The following TLE2 variants were observed in gnomAD, a reference collection of about 807,000 sequenced individuals.
The protein encoded by TLE2 is TLE family member 2, transcriptional corepressor.
In TLE2, 74 loss-of-function variants were observed where a neutral mutation model predicts 97.2. The ratio of observed to expected loss-of-function variants is 0.76; its 90% CI spans 0.63 to 0.92. The LOEUF (loss-of-function observed/expected upper bound fraction) is 0.92. Among genes scored for constraint, TLE2 ranks in the 40% least tolerant of loss-of-function variants. TLE2 has a pLI of 0.00. For synonymous variants in TLE2, 499 were observed against 432.1 expected, an observed-to-expected ratio of 1.15 and a Z score of -1.92; for missense variants, 1,038 against 1,008.7, an observed-to-expected ratio of 1.03 and a Z score of -0.39.
At chr19:3,027,705 G>C in intron 4 of TLE2, 124 bp downstream of exon 4, 1 of 951,312 alleles carries the variant, frequency 1.1e-6, no homozygotes, top group South Asian at 1.6e-5. Flanking sequence ...CCTCTGCGGA[G>C]ATTTCAGGAT....
chr19:3,044,580 C>A (rs897153787), intron 1 of TLE2, among the ~76,000 whole-genome samples: 2 of 152,152 alleles, frequency 1.3e-5, no homozygotes, highest in African/African-American at 2.4e-5. Flanking sequence ...CCACCACGCC[C>A]GGCTAATTTT....
Position 3,006,647 on chromosome 19 carries a change from C to T in TLE2, c.1273G>A (p.Ala425Thr), listed in dbSNP as rs2089485748. The change falls in exon 15 of 20, where the codon GCG becomes ACG. Residue 425 changes from alanine (A) to threonine (T), a missense_variant. By Grantham distance (58) the Ala-to-Thr change is moderately conservative. Coordinates refer to ENST00000262953, the MANE Select transcript of TLE2 (RefSeq NM_003260.5). ...GGAACCGGCTGCATCTGCCCGTCCG[C>T]AGACACGTGGAAGGAGTAGGCCCTG... Reference protein sequence around the residue: ...GKPAYSFHVSADGQMQPVPFP... With the variant: ...GKPAYSFHVSTDGQMQPVPFP... 3 of 1,606,702 alleles carry T rather than the reference C, an allele frequency of 1.9e-6. No individual in the cohort carries two copies. The Admixed American group carries it at 5.0e-5, about 27-fold the overall frequency.
intron 7 of TLE2, among the ~76,000 whole-genome samples, chr19:3,018,542 C>T (rs1361621460): frequency 6.6e-6 from 1 of 152,110 alleles, no homozygotes; most frequent in Non-Finnish European, 1.5e-5. Flanking sequence ...ATCTGCCCGC[C>T]TCGGTCTCCC....
chr19:3,019,189 C>A lies in TLE2; in HGVS notation c.550+94G>T. On this transcript the variant is annotated intron_variant, in intron 7 of 19. Transcript: ENST00000262953. The surrounding 1 kb of genome is among the most constrained non-coding windows in gnomAD (Gnocchi z 5.1). Reference sequence around the variant, plus strand: ...TTGGGATTATAGGCATGAGCCACTTCATCCCCTCACGCTGATGTTTGCTAC... The same window carrying A: ...TTGGGATTATAGGCATGAGCCACTTAATCCCCTCACGCTGATGTTTGCTAC... The A allele has an allele frequency of 6.8e-7, 1 of 1,478,468 alleles. No individual in the cohort carries two copies. The highest frequency in any genetic ancestry group is 9.0e-7 in the Non-Finnish European group (1 of 1,106,250). The allele number at this position is 1,478,468 out of a possible 1,614,324, so 91.6% of individuals were successfully genotyped here.
chr19:3,005,481 G>A lies in TLE2; in HGVS notation c.1852C>T (p.Leu618=). ...GLDNTVRCWD[L]REGRQLQQHD... is the part of the protein sequence containing the mutation. Reference sequence around the variant, plus strand: ...TGCTGCAGCTGGCGGCCCTCCCGCAGGTCCCAGCAGCGCACCGTGTTGTCC... The same window carrying A: ...TGCTGCAGCTGGCGGCCCTCCCGCAAGTCCCAGCAGCGCACCGTGTTGTCC... The change falls in exon 17 of 20, where the codon CTG becomes TTG. Residue 618 remains leucine, a synonymous_variant. Coordinates refer to ENST00000262953, the MANE Select transcript of TLE2 (RefSeq NM_003260.5). The A allele has an allele frequency of 6.2e-7, 1 of 1,613,852 alleles. No individual in the cohort carries two copies. Among genetic ancestry groups the A allele is most frequent in the East Asian group, 2.2e-5 (1 of 44,888 alleles).
chr19:3,014,468 G>A lies in TLE2; in HGVS notation c.723+102C>T, dbSNP rs147140145. On this transcript the variant is annotated intron_variant, in intron 10 of 19. Coordinates refer to ENST00000262953, the MANE Select transcript of TLE2 (RefSeq NM_003260.5). ...CCCCATCCCAGCTGTCCCACAGAGCGGGGAACCAGGATCCCCACTACCTCT... is the reference window on the plus strand; with the variant it reads ...CCCCATCCCAGCTGTCCCACAGAGCAGGGAACCAGGATCCCCACTACCTCT... 3.9e-4 allele frequency: 447 copies of A among 1,153,492 alleles called. 1 individual carries two copies. In the African/African-American group the frequency reaches 4.7e-3, roughly 12 times the overall value. 71.5% of individuals were successfully genotyped at this position (1,153,492 alleles called of 1,614,324 possible).
chr19:3,044,109 G>T (rs1002961479), intron 1 of TLE2, among the ~76,000 whole-genome samples: 2 of 151,638 alleles, frequency 1.3e-5, no homozygotes, highest in Middle Eastern at 6.8e-3. Flanking sequence ...GGAGACAGAG[G>T]TTGCAGTGGG....
At chr19:3,039,223 TC>T (rs201523299) in intron 1 of TLE2, among the ~76,000 whole-genome samples, 147 of 42,480 alleles carry the variant, frequency 3.5e-3, no homozygotes, top group African/African-American at 0.014. Flanking sequence ...CTTTCCCCAC[TC>T]CAAAAAAAAA....
At chr19:3,036,552 CG>C (rs1568254777) in intron 1 of TLE2, among the ~76,000 whole-genome samples, 1 of 152,260 alleles carries the variant, frequency 6.6e-6, no homozygotes, top group Non-Finnish European at 1.5e-5. Context: ...TGTCCCCTCC[CG>C]CTGGCCCCGG....
chr19:3,046,092 G>A (rs186464854), upstream of TLE2, among the ~76,000 whole-genome samples: 124 of 152,280 alleles, frequency 8.1e-4, 1 homozygote, highest in Non-Finnish European at 1.7e-3. Context: ...TGCCCCTAGG[G>A]GGGCAAAGAG....
rs929750861 is a variant in TLE2, at chr19:3,010,117, A to C, written c.1013-415T>G. On this transcript the variant is annotated intron_variant, in intron 12 of 19. Transcript: ENST00000262953. ...AGTGGCTCACGCCTGTAATCCCAGCACTTTGGGAGGCCGAGGTGGGCGGAT... is the reference window on the plus strand; with the variant it reads ...AGTGGCTCACGCCTGTAATCCCAGCCCTTTGGGAGGCCGAGGTGGGCGGAT... Among the ~76,000 whole-genome samples the C allele has an allele frequency of 2.0e-5, 3 of 151,354 alleles. No individual in the cohort carries two copies. The East Asian group carries it at 5.9e-4, about 30-fold the overall frequency.
At chr19:3,013,602 GGTAGC>G in intron 11 of TLE2, 62 bp downstream of exon 11, 1 of 1,292,248 alleles carries the variant, frequency 7.7e-7, no homozygotes, top group Non-Finnish European at 9.9e-7. Flanking sequence ...TGCATCATGG[GGTAGC>G]GTCTGCTTCG....
At chr19:2,998,073 C>T (rs1021049567) in intron 19 of TLE2, 118 bp from the exon 20 acceptor site, 35 of 670,594 alleles carry the variant, frequency 5.2e-5, no homozygotes, top group African/African-American at 1.6e-4. Flanking sequence ...TACAGAGTGA[C>T]GTGTTTCTTT....
At position 3,006,636 on chromosome 19, in the gene TLE2, C is replaced by G. The variant is rs1176791522; in HGVS notation, c.1284G>C (p.Gln428His). 6.2e-7 allele frequency: 1 copy of G among 1,609,414 alleles called. No homozygotes were observed. Among genetic ancestry groups the G allele is most frequent in the Non-Finnish European group, 8.5e-7 (1 of 1,177,712 alleles). ...CCGAGGGGAAGGGAACCGGCTGCAT[C>G]TGCCCGTCCGCAGACACGTGGAAGG... The part of the protein sequence containing the change: ...AYSFHVSADG[Q>H]MQPVPFPSDA... Residue 428 changes from glutamine (Q) to histidine (H), a missense_variant, in exon 15 of 20, where the codon CAG (glutamine) becomes CAC (histidine). Physicochemically the swap from Gln to His is conservative, Grantham distance 24. Coordinates refer to ENST00000262953, the MANE Select transcript of TLE2 (RefSeq NM_003260.5).
intron 1 of TLE2, among the ~76,000 whole-genome samples, chr19:3,040,019 G>A (rs1276477285): frequency 1.3e-5 from 2 of 152,176 alleles, no homozygotes; most frequent in South Asian, 4.1e-4. Flanking sequence ...GAGTGTGTGC[G>A]GCCCAGCGGG....
chr19:3,029,480 G>A, upstream of TLE2: 4 of 982,032 alleles, frequency 4.1e-6, no homozygotes, highest in Non-Finnish European at 4.8e-6. Flanking sequence ...CCTTAAAACA[G>A]GGTCCCCACC....
intron 2 of TLE2, 21 bp downstream of exon 2, chr19:3,028,685 C>T (rs756386494): frequency 1.6e-5 from 26 of 1,611,928 alleles, no homozygotes; most frequent in Non-Finnish European, 2.0e-5. Context: ...CTCCCGCGGC[C>T]CCTGGGGCGG....
In TLE2 at chr19:3,040,186, A is replaced by G. The variant is rs306047; in HGVS notation, c.63+5540T>C. 6.2e-3 allele frequency among the ~76,000 whole-genome samples: 948 copies of G among 152,186 alleles called. 9 individuals are homozygous for G. The highest frequency in any genetic ancestry group is 0.021 in the African/African-American group (871 of 41,502). On this transcript the variant is annotated intron_variant, in intron 1 of 18. Coordinates refer to the TLE2 transcript ENST00000426948. ...GGGGGTTCACCCTCCTAGGATCGCCATGGACTCCCGTCTCTATCTCCACCC... is the reference window on the plus strand; with the variant it reads ...GGGGGTTCACCCTCCTAGGATCGCCGTGGACTCCCGTCTCTATCTCCACCC...
upstream of TLE2, among the ~76,000 whole-genome samples, chr19:3,047,148 T>A (rs1326490448): frequency 2.2e-5 from 1 of 46,264 alleles, no homozygotes; most frequent in Non-Finnish European, 4.2e-5. Context: ...GCCTCCCCGC[T>A]GTTCTCTCCC....
Sources: allele counts gnomAD v4.1 joint callset (sites outside exome capture counted in the v4.1 genomes callset), GRCh38; gene constraint gnomAD v4.1.1; non-coding constraint Gnocchi (gnomAD v3.1); transcripts MANE v1.5; gene names NCBI Gene and HGNC (gene_info 2026-07-23, HGNC 2026-07-21).